Variants in EHBP1 observed in about 807,000 individuals in gnomAD.
EHBP1 encodes the protein EH domain binding protein 1.
In EHBP1, 55 loss-of-function variants were observed where a neutral mutation model predicts 144.0. The observed-to-expected ratio is 0.38, with a 90% CI of 0.31 to 0.48. EHBP1 has a LOEUF of 0.48. Among genes scored for constraint, EHBP1 ranks in the 20% least tolerant of loss-of-function variants. The pLI is 0.98. For synonymous variants in EHBP1, 469 were observed against 472.7 expected (o/e 0.99, Z 0.10); for missense variants, 1,200 against 1,364.2 (o/e 0.88, Z 1.90).
At chr2:62,789,005 T>G (rs1228842959) in intron 5 of EHBP1, among the ~76,000 whole-genome samples, 1 of 152,214 alleles carries the variant, frequency 6.6e-6, no homozygotes, top group East Asian at 1.9e-4. Flanking sequence ...GAAAATGTCT[T>G]GTCTTTGGCA....
intron 2 of EHBP1, among the ~76,000 whole-genome samples, chr2:62,740,531 C>T (rs1447170433): frequency 2.0e-5 from 3 of 152,080 alleles, no homozygotes; most frequent in Non-Finnish European, 4.4e-5. Flanking sequence ...GACAATCTCC[C>T]CCTTTTTTGT....
intron 1 of EHBP1, among the ~76,000 whole-genome samples, chr2:62,688,421 A>G (rs1278440436): frequency 6.6e-6 from 1 of 152,202 alleles, no homozygotes; most frequent in African/African-American, 2.4e-5. Context: ...TGTATAACAT[A>G]TAGTGATCAG....
chr2:62,840,732 T>G (rs933716952), intron 7 of EHBP1, among the ~76,000 whole-genome samples: 13 of 150,876 alleles, frequency 8.6e-5, no homozygotes, highest in Non-Finnish European at 1.8e-4. Context: ...AAAAAACACA[T>G]GAAAAAATGC....
At chr2:62,956,477 T>TAGAA (rs2057701947) in intron 14 of EHBP1, among the ~76,000 whole-genome samples, 6 of 152,156 alleles carry the variant, frequency 3.9e-5, no homozygotes, top group South Asian at 2.1e-4. Flanking sequence ...AGTACCCTAT[T>TAGAA]GCTTATGAGA....
At chr2:62,792,777 A>T (rs1463199168) in intron 5 of EHBP1, among the ~76,000 whole-genome samples, 1 of 152,064 alleles carries the variant, frequency 6.6e-6, no homozygotes, top group African/African-American at 2.4e-5. Context: ...CTCTCAGTAT[A>T]CTTAGAGTGA....
At chr2:62,928,676 A>G (rs1157381815) in intron 10 of EHBP1, among the ~76,000 whole-genome samples, 2 of 152,136 alleles carry the variant, frequency 1.3e-5, no homozygotes, top group Non-Finnish European at 2.9e-5. Flanking sequence ...AACTGGAAGA[A>G]CAAACTAAAC....
chr2:62,794,384 A>T (rs2043389208), intron 5 of EHBP1, among the ~76,000 whole-genome samples: 1 of 152,120 alleles, frequency 6.6e-6, no homozygotes, highest in Non-Finnish European at 1.5e-5. Flanking sequence ...TTTTATAAAA[A>T]TTATGAAAAG....
intron 10 of EHBP1, among the ~76,000 whole-genome samples, chr2:62,920,929 A>G (rs2055026900): frequency 6.6e-6 from 1 of 152,040 alleles, no homozygotes; most frequent in Non-Finnish European, 1.5e-5. Context: ...TTGGCCTCCC[A>G]CAGTTCTTAG....
intron 5 of EHBP1, among the ~76,000 whole-genome samples, chr2:62,789,265 T>C (rs1163754746): frequency 6.6e-6 from 1 of 152,210 alleles, no homozygotes; most frequent in Non-Finnish European, 1.5e-5. Flanking sequence ...CAAACACATA[T>C]ATATGTAGTA....
intron 3 of EHBP1, among the ~76,000 whole-genome samples, chr2:62,752,237 C>T (rs920477108): frequency 7.2e-5 from 11 of 152,120 alleles, no homozygotes; most frequent in Admixed American, 2.6e-4. Context: ...CATTTCGTTA[C>T]GTACCCAGTA....
At chr2:62,809,563 G>T (rs1029522397) in intron 5 of EHBP1, among the ~76,000 whole-genome samples, 4 of 152,230 alleles carry the variant, frequency 2.6e-5, no homozygotes, top group African/African-American at 9.6e-5. Flanking sequence ...TGCATGGGTA[G>T]ATTGTGTGAT....
chr2:62,823,922 C>A (rs1382155030), intron 5 of EHBP1, among the ~76,000 whole-genome samples: 1 of 151,974 alleles, frequency 6.6e-6, no homozygotes, highest in African/African-American at 2.4e-5. Context: ...TCTGCCCAGA[C>A]CTCAGAAAGG....
upstream of EHBP1, among the ~76,000 whole-genome samples, chr2:62,702,345 A>G (rs930376064): frequency 9.9e-5 from 15 of 152,228 alleles, no homozygotes; most frequent in African/African-American, 3.4e-4. Context: ...TAATTAATGT[A>G]ACTTGCATTA....
intron 18 of EHBP1, 193 bp downstream of exon 18, chr2:62,994,170 T>A: frequency 2.8e-6 from 1 of 356,298 alleles, no homozygotes; most frequent in Non-Finnish European, 5.2e-6. Flanking sequence ...TAAAAAAAAA[T>A]GAATTTTTCA....
intron 19 of EHBP1, among the ~76,000 whole-genome samples, chr2:63,032,295 G>A (rs1015360062): frequency 7.3e-5 from 11 of 151,028 alleles, no homozygotes; most frequent in Non-Finnish European, 1.3e-4. Context: ...CAGGCTGGGC[G>A]CGGTGCCTCA....
intron 12 of EHBP1, among the ~76,000 whole-genome samples, chr2:62,944,598 T>C (rs147393922): frequency 2.0e-5 from 3 of 152,322 alleles, no homozygotes; most frequent in African/African-American, 4.8e-5. Flanking sequence ...TATATCCCCA[T>C]TGTTAAGCAA....
intron 5 of EHBP1, among the ~76,000 whole-genome samples, chr2:62,783,078 C>A (rs1224280159): frequency 6.6e-6 from 1 of 152,190 alleles, no homozygotes; most frequent in East Asian, 1.9e-4. Context: ...AGGCCATATG[C>A]AAGTCCAAAA....
chr2:62,749,255 G>C (rs1222811267), intron 3 of EHBP1, among the ~76,000 whole-genome samples: 2 of 151,944 alleles, frequency 1.3e-5, no homozygotes. Context: ...TTGTCCTTAA[G>C]ATAGTTTGCT....
At chr2:63,028,959 A>G (rs1002587518) in intron 19 of EHBP1, among the ~76,000 whole-genome samples, 3 of 152,210 alleles carry the variant, frequency 2.0e-5, no homozygotes, top group South Asian at 2.1e-4. Flanking sequence ...TTCAAATTAT[A>G]TCAATTTGTA....
Sources: allele counts gnomAD v4.1 joint callset (sites outside exome capture counted in the v4.1 genomes callset), GRCh38; gene constraint gnomAD v4.1.1; transcripts MANE v1.5; gene names NCBI Gene and HGNC (gene_info 2026-07-23, HGNC 2026-07-21).